CLPB: variants seen among roughly 807,000 people sequenced by gnomAD.
CLPB encodes ClpB family mitochondrial disaggregase.
In CLPB, 40 loss-of-function variants were observed where a neutral mutation model predicts 78.4. That is an observed-to-expected ratio of 0.51 (90% CI 0.40 to 0.66). The LOEUF (loss-of-function observed/expected upper bound fraction) is 0.66, where lower values mean the gene tolerates loss of function less well. Among genes scored for constraint, CLPB ranks in the 30% least tolerant of loss-of-function variants. The probability of loss-of-function intolerance (pLI) is 0.00; values close to 1 mark genes in which losing one functional copy is unlikely to be tolerated. For synonymous variants in CLPB, 333 were observed against 348.0 expected (o/e 0.96, Z 0.48); for missense variants, 780 against 886.9 (o/e 0.88, Z 1.53).
At chr11:72,375,076 T>C (rs577501063) in intron 4 of CLPB, among the ~76,000 whole-genome samples, 2 of 152,350 alleles carry the variant, frequency 1.3e-5, no homozygotes, top group Non-Finnish European at 1.5e-5. Context: ...ATTCTGCTAA[T>C]ATCTATTTAC....
intron 5 of CLPB, 77 bp downstream of exon 5, chr11:72,358,800 ATCC>A: frequency 1.1e-5 from 1 of 88,290 alleles, no homozygotes; most frequent in Non-Finnish European, 2.2e-5. Context: ...GCCAAGCCCC[ATCC>A]CACCCCTCCT....
chr11:72,350,268 G>T (rs888676500), intron 5 of CLPB, among the ~76,000 whole-genome samples: 3 of 143,948 alleles, frequency 2.1e-5, no homozygotes, highest in African/African-American at 5.6e-5. Flanking sequence ...CCCAAAATTG[G>T]ACTAGACTGC....
intron 3 of CLPB, among the ~76,000 whole-genome samples, chr11:72,386,101 T>C (rs1233082146): frequency 6.6e-6 from 1 of 152,188 alleles, no homozygotes; most frequent in Non-Finnish European, 1.5e-5. Flanking sequence ...GTATGCTGTA[T>C]GAGAGTAACT....
At chr11:72,373,919 C>T (rs1951090290) in intron 4 of CLPB, among the ~76,000 whole-genome samples, 1 of 138,966 alleles carries the variant, frequency 7.2e-6, no homozygotes, top group African/African-American at 2.7e-5. Flanking sequence ...GAGATCATGT[C>T]ATTGCACTCC....
chr11:72,308,387 C>A (rs887891303), intron 8 of CLPB, 140 bp downstream of exon 8: 1 of 681,356 alleles, frequency 1.5e-6, no homozygotes, highest in Non-Finnish European at 2.7e-6. Context: ...GCTCTGTAAT[C>A]TGGAGGCCGT....
chr11:72,359,068 A>G, intron 4 of CLPB, 60 bp from the exon 5 acceptor site: 1 of 1,597,234 alleles, frequency 6.3e-7, no homozygotes, highest in Non-Finnish European at 8.6e-7. Context: ...CACCAATCTC[A>G]CCTGTTTTCT....
chr11:72,401,163 G>C (rs116501808), intron 3 of CLPB, among the ~76,000 whole-genome samples: 1,905 of 152,338 alleles, frequency 0.013, 46 homozygotes, highest in African/African-American at 0.043. Flanking sequence ...AGGTGCGCCA[G>C]ACATGGTGGC....
At chr11:72,295,779 C>G in intron 11 of CLPB, 131 bp from the exon 12 acceptor site, 2 of 841,584 alleles carry the variant, frequency 2.4e-6, no homozygotes, top group Non-Finnish European at 3.7e-6. Context: ...CAGCAGCCAG[C>G]TGCTTCCTCC....
At chr11:72,362,362 T>C (rs1210291035) in intron 4 of CLPB, among the ~76,000 whole-genome samples, 1 of 152,204 alleles carries the variant, frequency 6.6e-6, no homozygotes, top group African/African-American at 2.4e-5. Context: ...ACTCAATGAA[T>C]ACAGGAAGTG....
At chr11:72,424,728 T>C (rs982642768) in intron 2 of CLPB, among the ~76,000 whole-genome samples, 4 of 151,848 alleles carry the variant, frequency 2.6e-5, no homozygotes, top group African/African-American at 9.7e-5. Flanking sequence ...CTTTGTAAAA[T>C]ACAAAAAATT....
At chr11:72,330,015 C>A (rs1049657769) in intron 5 of CLPB, among the ~76,000 whole-genome samples, 1 of 152,180 alleles carries the variant, frequency 6.6e-6, no homozygotes, top group Non-Finnish European at 1.5e-5. Flanking sequence ...TATACATACA[C>A]AAACACACAC....
At position 72,407,849 on chromosome 11, in the gene CLPB, G is replaced by A. The variant is rs113165548; in HGVS notation, c.456-4797C>T. On this transcript the variant is annotated intron_variant, in intron 2 of 15. Transcript: ENST00000538039. ...TTTTTAGCAGAGACGGGGTTTCACCGTATTAGCCAGGATGGTCTTGATCTC... is the reference window on the plus strand; with the variant it reads ...TTTTTAGCAGAGACGGGGTTTCACCATATTAGCCAGGATGGTCTTGATCTC... Among the ~76,000 whole-genome samples, 15,310 of 151,958 alleles carry A rather than the reference G, an allele frequency of 0.1. 1,338 individuals carry two copies. The highest frequency in any genetic ancestry group is 0.24 in the African/African-American group (9,735 of 41,398).
chr11:72,424,289 A>G (rs1416015044), intron 2 of CLPB, among the ~76,000 whole-genome samples: 1 of 152,190 alleles, frequency 6.6e-6, no homozygotes, highest in Non-Finnish European at 1.5e-5. Context: ...CCCTTGCCCC[A>G]TGCCTGGGGG....
chr11:72,434,366 C>G lies in CLPB; in HGVS notation c.109G>C (p.Val37Leu), dbSNP rs773901608. The change falls in exon 1 of 16, where the codon GTG becomes CTG. Residue 37 changes from valine to leucine, a missense_variant. Val to Leu is a conservative substitution (Grantham distance 32). Coordinates refer to ENST00000538039, the MANE Select transcript of CLPB (RefSeq NM_001258392.3). ...RGHGGASGRN[V>L]TTGSLGEPQW... is the part of the protein sequence containing the mutation. ...GGCTCCCCGAGACTCCCAGTAGTCA[C>G]ATTCCGGCCGGAAGCACCTCCATGG... The G allele has an allele frequency of 6.2e-7, 1 of 1,612,012 alleles. No homozygotes were observed. Among genetic ancestry groups the G allele is most frequent in the Admixed American group, 1.7e-5 (1 of 59,924 alleles).
chr11:72,300,701 A>G (rs1036683609), intron 11 of CLPB, among the ~76,000 whole-genome samples: 3 of 152,084 alleles, frequency 2.0e-5, no homozygotes, highest in African/African-American at 7.2e-5. Flanking sequence ...CTCCTATGAC[A>G]TGGGAAGCAA....
At chr11:72,308,481 A>T in intron 8 of CLPB, 46 bp downstream of exon 8, 1 of 1,569,942 alleles carries the variant, frequency 6.4e-7, no homozygotes, top group Non-Finnish European at 8.8e-7. Flanking sequence ...TGGGCCGGGC[A>T]CTACCCTAGC....
At chr11:72,391,334 T>C (rs1370626182) in intron 3 of CLPB, among the ~76,000 whole-genome samples, 1 of 152,186 alleles carries the variant, frequency 6.6e-6, no homozygotes, top group Non-Finnish European at 1.5e-5. Flanking sequence ...TGATTCCCAG[T>C]ATGAGTCCAT....
chr11:72,322,708 T>A (rs1950065528), intron 6 of CLPB, among the ~76,000 whole-genome samples: 1 of 152,230 alleles, frequency 6.6e-6, no homozygotes, highest in Admixed American at 6.5e-5. Flanking sequence ...CTGGTAGTCT[T>A]AACTTCGATC....
chr11:72,326,261 A>G (rs1950132670), intron 6 of CLPB, among the ~76,000 whole-genome samples: 1 of 152,154 alleles, frequency 6.6e-6, no homozygotes, highest in Non-Finnish European at 1.5e-5. Context: ...AATTAAATTC[A>G]GCTCAGTTGT....
Sources: gnomAD v4.1 joint callset for allele counts (sites outside exome capture counted in the v4.1 genomes callset) on GRCh38, gnomAD v4.1.1 for gene constraint, MANE v1.5 for transcripts, NCBI Gene and HGNC (gene_info 2026-07-23, HGNC 2026-07-21) for gene names.